The following SLC9C2 variants were observed in gnomAD, a reference collection of about 807,000 sequenced individuals.
The protein encoded by SLC9C2 is sodium/hydrogen exchanger 11.
A neutral mutation model predicts 140.2 loss-of-function variants in SLC9C2; 75 were observed. That is an observed-to-expected ratio of 0.53 (90% CI 0.44 to 0.65). The LOEUF is 0.65. Among genes scored for constraint, SLC9C2 ranks in the 30% least tolerant of loss-of-function variants. The probability of loss-of-function intolerance (pLI) is 0.00; values close to 1 mark genes in which losing one functional copy is unlikely to be tolerated. For missense variants in SLC9C2, 1,074 were observed against 1,331.8 expected, an observed-to-expected ratio of 0.81 and a Z score of 3.01; for synonymous variants, 375 against 420.9, an observed-to-expected ratio of 0.89 and a Z score of 1.34.
intron 7 of SLC9C2, among the ~76,000 whole-genome samples, chr1:173,577,299 G>A (rs1454245275): frequency 1.3e-5 from 2 of 152,208 alleles, no homozygotes; most frequent in Non-Finnish European, 1.5e-5. Context: ...CACTGCATGT[G>A]CTGAGAGTTG....
At chr1:173,504,632 G>A (rs543700383) in intron 26 of SLC9C2, among the ~76,000 whole-genome samples, 2 of 152,202 alleles carry the variant, frequency 1.3e-5, no homozygotes, top group Admixed American at 1.3e-4. Context: ...GGCTTGGGAG[G>A]GCAGGGATGC....
chr1:173,535,686 A>T, intron 15 of SLC9C2, 144 bp downstream of exon 15: 1 of 984,924 alleles, frequency 1.0e-6, no homozygotes, highest in Non-Finnish European at 1.4e-6. Flanking sequence ...AGAATGGAAG[A>T]AGAGAAGCAA....
rs188646829 is a variant in SLC9C2 at position 173,506,839 on chromosome 1, G to A, written c.3225+17C>T. The A allele has an allele frequency of 3.1e-4, 504 of 1,602,312 alleles. No individual in the cohort carries two copies. Among genetic ancestry groups the A allele is most frequent in the Admixed American group, 1.3e-3 (73 of 58,028 alleles). On this transcript the variant is annotated intron_variant, in intron 25 of 27. Coordinates refer to ENST00000367714, the MANE Select transcript of SLC9C2 (RefSeq NM_178527.4). Reference sequence around the variant, plus strand: ...ACCGTGAAGAGCAAGAGACTCTTTAGAAATGATATTTCTTACCTGCTCACA... The same window carrying A: ...ACCGTGAAGAGCAAGAGACTCTTTAAAAATGATATTTCTTACCTGCTCACA...
chr1:173,552,548 C>A (rs1296125036), intron 11 of SLC9C2, among the ~76,000 whole-genome samples: 1 of 152,134 alleles, frequency 6.6e-6, no homozygotes, highest in Non-Finnish European at 1.5e-5. Flanking sequence ...TTCTGAAAAT[C>A]CTAAGACTCT....
intron 11 of SLC9C2, among the ~76,000 whole-genome samples, chr1:173,550,602 C>G (rs1263403247): frequency 6.6e-6 from 1 of 151,512 alleles, no homozygotes; most frequent in Non-Finnish European, 1.5e-5. Flanking sequence ...CCATGCCCAG[C>G]TAATTTTTAT....
chr1:173,570,910 G>A (rs1461601342), intron 9 of SLC9C2, among the ~76,000 whole-genome samples: 1 of 152,162 alleles, frequency 6.6e-6, no homozygotes, highest in Admixed American at 6.5e-5. Context: ...TGGTGGGGAG[G>A]ACTGGGGAGG....
At chr1:173,558,292 A>T (rs1663850262) in intron 9 of SLC9C2, among the ~76,000 whole-genome samples, 1 of 152,222 alleles carries the variant, frequency 6.6e-6, no homozygotes, top group Non-Finnish European at 1.5e-5. Context: ...TTATTTGGGC[A>T]AACTCCTCTG....
chr1:173,505,728 C>T (rs1261543885), intron 25 of SLC9C2, among the ~76,000 whole-genome samples: 2 of 152,182 alleles, frequency 1.3e-5, no homozygotes, highest in African/African-American at 2.4e-5. Flanking sequence ...AAATCTGCCT[C>T]CCAGAATGCC....
intron 4 of SLC9C2, among the ~76,000 whole-genome samples, chr1:173,590,702 C>T (rs1388213871): frequency 6.6e-6 from 1 of 152,092 alleles, no homozygotes. Flanking sequence ...TATGTTCTAT[C>T]TGATAACAGA....
intron 4 of SLC9C2, among the ~76,000 whole-genome samples, chr1:173,595,141 G>A (rs1558099928): frequency 6.6e-6 from 1 of 152,164 alleles, no homozygotes; most frequent in African/African-American, 2.4e-5. Flanking sequence ...GCCTCCCAAA[G>A]TGCTGAGATT....
At chr1:173,586,314 G>A (rs1665845602) in intron 5 of SLC9C2, among the ~76,000 whole-genome samples, 1 of 152,192 alleles carries the variant, frequency 6.6e-6, no homozygotes, top group Non-Finnish European at 1.5e-5. Context: ...TTCCCAGCTA[G>A]GAGTATGAAA....
At chr1:173,587,347 T>A (rs1665909709) in intron 5 of SLC9C2, among the ~76,000 whole-genome samples, 1 of 152,156 alleles carries the variant, frequency 6.6e-6, no homozygotes, top group Non-Finnish European at 1.5e-5. Flanking sequence ...TTAGAATATC[T>A]ACCTTGTGGC....
chr1:173,503,429 T>A, intron 26 of SLC9C2, 103 bp from the exon 27 acceptor site: 1 of 996,032 alleles, frequency 1.0e-6, no homozygotes, highest in Non-Finnish European at 1.5e-6. Flanking sequence ...TCCCTATAAG[T>A]TTCCCTTTTC....
At chr1:173,589,095 C>T (rs7529193) in intron 4 of SLC9C2, among the ~76,000 whole-genome samples, 62,705 of 151,924 alleles carry the variant, frequency 0.41, 16,142 homozygotes, top group African/African-American at 0.7. Context: ...AAAATAAGTG[C>T]GGGAGGATTT....
rs1419875007 is a variant in SLC9C2, at chr1:173,503,263, T to C, written c.3371+3A>G. 6.2e-7 allele frequency: 1 copy of C among 1,612,130 alleles called. No homozygotes were observed. Among genetic ancestry groups the C allele is most frequent in the South Asian group, 1.1e-5 (1 of 90,882 alleles). On this transcript the variant is annotated splice_donor_region_variant and intron_variant, in intron 27 of 27. Coordinates refer to ENST00000367714, the MANE Select transcript of SLC9C2 (RefSeq NM_178527.4). Reference sequence around the variant, plus strand: ...ATTCTAATCAAAGTGTCAAGTTTATTACCTCATCTTTTGTCTTCCATTTAT... The same window carrying C: ...ATTCTAATCAAAGTGTCAAGTTTATCACCTCATCTTTTGTCTTCCATTTAT...
At chr1:173,553,532 C>T (rs984380504) in intron 11 of SLC9C2, among the ~76,000 whole-genome samples, 5 of 152,218 alleles carry the variant, frequency 3.3e-5, no homozygotes, top group Non-Finnish European at 7.3e-5. Context: ...GATCAGTCAG[C>T]AGCTATCAAC....
chr1:173,556,927 CAA>C (rs79800435), intron 10 of SLC9C2, among the ~76,000 whole-genome samples: 41 of 70,632 alleles, frequency 5.8e-4, no homozygotes, highest in Admixed American at 9.2e-4. Context: ...AATCTTGTCT[CAA>C]AAAAAAAAAA....
chr1:173,550,100 T>G (rs1337639460), intron 11 of SLC9C2, among the ~76,000 whole-genome samples: 1 of 152,214 alleles, frequency 6.6e-6, no homozygotes, highest in African/African-American at 2.4e-5. Flanking sequence ...ACCTTTTCAC[T>G]GCAAACAAGA....
intron 11 of SLC9C2, among the ~76,000 whole-genome samples, chr1:173,550,545 T>G (rs899409885): frequency 6.6e-6 from 1 of 151,268 alleles, no homozygotes; most frequent in Non-Finnish European, 1.5e-5. Context: ...TTCAAGTGAT[T>G]CTCCTGCCTC....
Sources: gnomAD v4.1 joint callset for allele counts (sites outside exome capture counted in the v4.1 genomes callset) on GRCh38, gnomAD v4.1.1 for gene constraint, MANE v1.5 for transcripts, NCBI Gene and HGNC (gene_info 2026-07-23, HGNC 2026-07-21) for gene names.